DCLK2: variants seen among roughly 807,000 people sequenced by gnomAD.
The protein encoded by DCLK2 is serine/threonine-protein kinase DCLK2.
In DCLK2, 31 loss-of-function variants were observed where a neutral mutation model predicts 78.4. The observed-to-expected ratio is 0.40, with a 90% CI of 0.30 to 0.53. The LOEUF is 0.53. DCLK2 is among the 20% of genes least tolerant of loss of function. The pLI, the probability that DCLK2 is intolerant of heterozygous loss-of-function variation, is 0.61. For synonymous variants in DCLK2, 407 were observed against 374.9 expected, an observed-to-expected ratio of 1.09 and a Z score of -0.99; for missense variants, 872 against 973.7, an observed-to-expected ratio of 0.90 and a Z score of 1.39.
intron 2 of DCLK2, among the ~76,000 whole-genome samples, chr4:150,131,575 TAATTG>T (rs1325011565): frequency 6.6e-6 from 1 of 151,992 alleles, no homozygotes; most frequent in Non-Finnish European, 1.5e-5. Context: ...TGTAAGAAAA[TAATTG>T]GGGTCCCCTC....
chr4:150,097,195 A>G (rs1405634756), intron 1 of DCLK2, among the ~76,000 whole-genome samples: 1 of 147,946 alleles, frequency 6.8e-6, no homozygotes, highest in Non-Finnish European at 1.5e-5. Flanking sequence ...TTTTTGAGAC[A>G]GAGTCCCGCC....
intron 2 of DCLK2, among the ~76,000 whole-genome samples, chr4:150,137,380 G>A (rs367880268): frequency 6.6e-6 from 1 of 152,130 alleles, no homozygotes; most frequent in East Asian, 1.9e-4. Context: ...GCTCAAAACT[G>A]GCACATTGTT....
chr4:150,191,217 A>G (rs1007212532), intron 2 of DCLK2, among the ~76,000 whole-genome samples: 6 of 152,110 alleles, frequency 3.9e-5, no homozygotes, highest in African/African-American at 1.4e-4. Context: ...AGACATGGCA[A>G]AGACAGGGTT....
chr4:150,098,876 A>C (rs1314189376), intron 1 of DCLK2, among the ~76,000 whole-genome samples: 1 of 151,698 alleles, frequency 6.6e-6, no homozygotes, highest in Non-Finnish European at 1.5e-5. Context: ...TTATATTTTT[A>C]GCAGAGACGG....
chr4:150,245,872 A>G (rs1017693765), intron 12 of DCLK2, among the ~76,000 whole-genome samples: 2 of 152,192 alleles, frequency 1.3e-5, no homozygotes, highest in African/African-American at 4.8e-5. Flanking sequence ...ATCCAGAACT[A>G]GAAATACCAT....
At chr4:150,241,241 G>C (rs11726631) in intron 12 of DCLK2, among the ~76,000 whole-genome samples, 131,508 of 152,238 alleles carry the variant, frequency 0.86, 56,988 homozygotes, top group South Asian at 0.94. Flanking sequence ...CACAGACTGA[G>C]TGAGTCTTGG....
intron 2 of DCLK2, among the ~76,000 whole-genome samples, chr4:150,156,667 C>T (rs1318157442): frequency 6.6e-6 from 1 of 151,766 alleles, no homozygotes; most frequent in Non-Finnish European, 1.5e-5. Context: ...GAGGCTCTGA[C>T]ACACATGCAC....
intron 2 of DCLK2, among the ~76,000 whole-genome samples, chr4:150,115,311 T>C (rs1731997115): frequency 1.3e-5 from 2 of 152,200 alleles, no homozygotes; most frequent in African/African-American, 2.4e-5. Flanking sequence ...GTTTTTGCCT[T>C]TCTCTTGTAT....
At chr4:150,095,963 A>G (rs758456470) in intron 1 of DCLK2, among the ~76,000 whole-genome samples, 1 of 152,222 alleles carries the variant, frequency 6.6e-6, no homozygotes, top group Non-Finnish European at 1.5e-5. Context: ...GTGGTGGGAA[A>G]TGAGGCTGGA....
At chr4:150,176,443 T>A (rs994880680) in intron 2 of DCLK2, among the ~76,000 whole-genome samples, 14 of 152,212 alleles carry the variant, frequency 9.2e-5, no homozygotes, top group African/African-American at 1.9e-4. Context: ...ACCCTTGATA[T>A]TCAATCAGGC....
chr4:150,245,054 T>G (rs1743200808), intron 12 of DCLK2, among the ~76,000 whole-genome samples: 1 of 151,730 alleles, frequency 6.6e-6, no homozygotes, highest in Non-Finnish European at 1.5e-5. Context: ...AAATATCTTT[T>G]TCTAACATCA....
chr4:150,124,365 A>C (rs1732777737), intron 2 of DCLK2, among the ~76,000 whole-genome samples: 2 of 152,316 alleles, frequency 1.3e-5, no homozygotes, highest in African/African-American at 4.8e-5. Flanking sequence ...GGTTTATGGC[A>C]GGCTTCTCAT....
chr4:150,193,946 CT>C (rs1738665815), intron 3 of DCLK2, among the ~76,000 whole-genome samples: 1 of 151,236 alleles, frequency 6.6e-6, no homozygotes, highest in Admixed American at 6.6e-5. Flanking sequence ...GAGACAGGGT[CT>C]TGCTATGTTG....
intron 2 of DCLK2, among the ~76,000 whole-genome samples, chr4:150,124,947 T>C (rs1213487008): frequency 6.6e-6 from 1 of 152,172 alleles, no homozygotes; most frequent in Middle Eastern, 3.2e-3. Context: ...GTCCAGAAAA[T>C]ACAAATTAAA....
At chr4:150,141,335 G>C (rs763632464) in intron 2 of DCLK2, among the ~76,000 whole-genome samples, 1 of 152,140 alleles carries the variant, frequency 6.6e-6, no homozygotes, top group Non-Finnish European at 1.5e-5. Context: ...TGAAAACTCA[G>C]TTCGTTTCTG....
chr4:150,252,017 T>A (rs1321333489), intron 15 of DCLK2, among the ~76,000 whole-genome samples: 1 of 152,092 alleles, frequency 6.6e-6, no homozygotes, highest in Admixed American at 6.5e-5. Flanking sequence ...TTGGGGGCGC[T>A]CTGTGCCAAA....
intron 10 of DCLK2, 119 bp downstream of exon 10, chr4:150,232,947 G>C: frequency 7.8e-7 from 1 of 1,285,876 alleles, no homozygotes; most frequent in South Asian, 1.6e-5. Context: ...TTTAAATTTA[G>C]AAAATTAGCA....
At chr4:150,185,674 A>T (rs1187713643) in intron 2 of DCLK2, among the ~76,000 whole-genome samples, 1 of 151,320 alleles carries the variant, frequency 6.6e-6, no homozygotes, top group Non-Finnish European at 1.5e-5. Context: ...AGATAGCGTC[A>T]TTGTACTCCA....
intron 2 of DCLK2, among the ~76,000 whole-genome samples, chr4:150,178,931 A>ATTGTCTTTTGATACAAGATACATC (rs1397224321): frequency 6.6e-6 from 1 of 152,192 alleles, no homozygotes; most frequent in Non-Finnish European, 1.5e-5. Flanking sequence ...AGAGATTAAG[A>ATTGTCTTTTGATACAAGATACATC]TTGTCTTTTG....
Sources: gnomAD v4.1 joint callset for allele counts (sites outside exome capture counted in the v4.1 genomes callset) on GRCh38, gnomAD v4.1.1 for gene constraint, MANE v1.5 for transcripts, NCBI Gene and HGNC (gene_info 2026-07-23, HGNC 2026-07-21) for gene names.